CSTPP1: variants seen among roughly 807,000 people sequenced by gnomAD.
The protein encoded by CSTPP1 is UPF0705 protein C11orf49.
the CSTPP1 span, among the ~76,000 whole-genome samples, chr11:47,157,601 T>C: frequency 6.6e-6 from 1 of 151,870 alleles, no homozygotes; most frequent in African/African-American, 2.4e-5. Context: ...CCGTAGCCAT[T>C]TCCCACCCCC....
chr11:46,945,539 C>T, the CSTPP1 span, among the ~76,000 whole-genome samples: 4 of 152,000 alleles, frequency 2.6e-5, no homozygotes, highest in Non-Finnish European at 4.4e-5. Context: ...CGCTTGAACC[C>T]GGGAGGCAGA....
At chr11:46,960,142 T>C in the CSTPP1 span, among the ~76,000 whole-genome samples, 2 of 152,130 alleles carry the variant, frequency 1.3e-5, no homozygotes, top group Non-Finnish European at 2.9e-5. Context: ...GCTGGGATTA[T>C]AGGCGTGAGC....
chr11:46,938,308 A>ATATATATTTATAATATATAATAATATAT, the CSTPP1 span, among the ~76,000 whole-genome samples: 40 of 148,408 alleles, frequency 2.7e-4, no homozygotes, highest in East Asian at 1.7e-3. Flanking sequence ...ATGGATAAAC[A>ATATATATTTATAATATATAATAATATAT]TATATATTTA....
the CSTPP1 span, chr11:47,123,215 C>T: frequency 6.6e-6 from 1 of 152,172 alleles, no homozygotes; most frequent in Non-Finnish European, 1.5e-5. Context: ...ACTGGCCAGG[C>T]AGGTCATATA....
the CSTPP1 span, among the ~76,000 whole-genome samples, chr11:47,027,947 G>A: frequency 8.6e-5 from 11 of 128,444 alleles, no homozygotes; most frequent in Non-Finnish European, 1.4e-4. Flanking sequence ...TTTTTGAGAC[G>A]GAGTCTTGCT....
At chr11:47,132,645 T>G in the CSTPP1 span, among the ~76,000 whole-genome samples, 24 of 152,308 alleles carry the variant, frequency 1.6e-4, no homozygotes, top group African/African-American at 5.5e-4. Flanking sequence ...GATTGCAAAG[T>G]CAGAGTTCTG....
At chr11:47,139,956 G>A in the CSTPP1 span, among the ~76,000 whole-genome samples, 3 of 152,216 alleles carry the variant, frequency 2.0e-5, no homozygotes, top group East Asian at 5.8e-4. Context: ...AGCTGCATTG[G>A]CTGCACTGCA....
the CSTPP1 span, among the ~76,000 whole-genome samples, chr11:46,976,685 T>C: frequency 6.6e-6 from 1 of 152,198 alleles, no homozygotes; most frequent in Non-Finnish European, 1.5e-5. Flanking sequence ...ATGAGTTTTT[T>C]AAGTTTCTGT....
chr11:47,057,655 G>T, the CSTPP1 span, among the ~76,000 whole-genome samples: 1 of 152,268 alleles, frequency 6.6e-6, no homozygotes. Context: ...GCAGAGACTG[G>T]GGTTTAGGGA....
chr11:47,039,846 CA>C, the CSTPP1 span, among the ~76,000 whole-genome samples: 1 of 127,722 alleles, frequency 7.8e-6, no homozygotes, highest in African/African-American at 2.5e-5. Context: ...CTCAAAAAAA[CA>C]AACAAACAAG....
chr11:46,966,609 G>A, the CSTPP1 span, among the ~76,000 whole-genome samples: 422 of 151,640 alleles, frequency 2.8e-3, 3 homozygotes, highest in African/African-American at 9.5e-3. Flanking sequence ...TAAAAATGGT[G>A]TTTTATAAAA....
the CSTPP1 span, among the ~76,000 whole-genome samples, chr11:47,004,679 C>A: frequency 6.6e-6 from 1 of 152,154 alleles, no homozygotes; most frequent in African/African-American, 2.4e-5. Context: ...TACCCCCTTT[C>A]CTCTAGATAC....
At chr11:47,161,574 A>T in the CSTPP1 span, 1 of 1,613,884 alleles carries the variant, frequency 6.2e-7, no homozygotes, top group Non-Finnish European at 8.5e-7. Flanking sequence ...CCTCTCCATC[A>T]TTCCCGAAAA....
At chr11:46,952,036 G>A in the CSTPP1 span, among the ~76,000 whole-genome samples, 2 of 152,098 alleles carry the variant, frequency 1.3e-5, no homozygotes, top group African/African-American at 2.4e-5. Flanking sequence ...TTAGGGTGAG[G>A]GCTGAGCTGG....
the CSTPP1 span, among the ~76,000 whole-genome samples, chr11:47,088,360 T>G: frequency 2.0e-5 from 3 of 152,198 alleles, no homozygotes; most frequent in East Asian, 5.8e-4. Flanking sequence ...TGGTCCCTAC[T>G]ATGAAACCGG....
At chr11:47,099,545 C>T in the CSTPP1 span, among the ~76,000 whole-genome samples, 20 of 152,284 alleles carry the variant, frequency 1.3e-4, 1 homozygote, top group East Asian at 3.5e-3. Context: ...CAGATTTATA[C>T]CAATATGCAG....
the CSTPP1 span, among the ~76,000 whole-genome samples, chr11:46,966,791 A>G: frequency 1.5e-4 from 23 of 152,230 alleles, no homozygotes; most frequent in Non-Finnish European, 2.8e-4. Flanking sequence ...ATTAATATTT[A>G]CTGTATCTTC....
chr11:47,086,126 C>T, the CSTPP1 span, among the ~76,000 whole-genome samples: 15 of 149,312 alleles, frequency 1.0e-4, no homozygotes, highest in Admixed American at 8.2e-4. Context: ...CAGTGGCTCA[C>T]GCCTGAAATC....
At chr11:47,161,479 A>C in the CSTPP1 span, 2 of 1,613,966 alleles carry the variant, frequency 1.2e-6, no homozygotes, top group Admixed American at 1.7e-5. Context: ...CCCAGGTCCC[A>C]GGCCTGGTCA....
Sources: allele counts gnomAD v4.1 joint callset (sites outside exome capture counted in the v4.1 genomes callset), GRCh38; gene constraint gnomAD v4.1.1; transcripts MANE v1.5; gene names NCBI Gene and HGNC (gene_info 2026-07-23, HGNC 2026-07-21).